Variants in NRXN3 observed in about 807,000 individuals in gnomAD.
NRXN3 encodes the protein neurexin 3, also known as neurexin III.
Under a neutral mutation model 137.6 loss-of-function variants are expected in NRXN3, and 32 were observed. That is an observed-to-expected ratio of 0.23 (90% CI 0.18 to 0.31). The LOEUF is 0.31. Ranked by LOEUF, NRXN3 falls within the 10% of genes least tolerant of loss-of-function variation. The pLI, the probability that NRXN3 is intolerant of heterozygous loss-of-function variation, is 1.00. For synonymous variants in NRXN3, 798 were observed against 784.5 expected, an observed-to-expected ratio of 1.02 and a Z score of -0.29; for missense variants, 1,574 against 2,062.5, an observed-to-expected ratio of 0.76 and a Z score of 4.59.
intron 8 of NRXN3, among the ~76,000 whole-genome samples, chr14:78,722,741 C>T (rs1046835393): frequency 1.3e-5 from 2 of 152,192 alleles, no homozygotes; most frequent in Non-Finnish European, 1.5e-5. Flanking sequence ...CTGAGTGCTA[C>T]GTGCCAGGGA....
At chr14:78,967,136 G>A in intron 12 of NRXN3, 72 bp from the exon 13 acceptor site, 1 of 1,334,566 alleles carries the variant, frequency 7.5e-7, no homozygotes, top group African/African-American at 1.5e-5. Context: ...CACTATGTCA[G>A]TTACACACAT....
At chr14:78,188,331 C>G (rs2060419762) in intron 1 of NRXN3, among the ~76,000 whole-genome samples, 1 of 152,152 alleles carries the variant, frequency 6.6e-6, no homozygotes, top group Admixed American at 6.5e-5. Context: ...CATGGGATCT[C>G]CAGGTCAAGG....
chr14:79,802,590 G>A (rs2099186148), intron 19 of NRXN3, among the ~76,000 whole-genome samples: 1 of 152,116 alleles, frequency 6.6e-6, no homozygotes, highest in Non-Finnish European at 1.5e-5. Context: ...AAGAATGCAT[G>A]CTTAAAAACT....
At chr14:78,459,715 A>G (rs2094862226) in intron 4 of NRXN3, among the ~76,000 whole-genome samples, 1 of 152,204 alleles carries the variant, frequency 6.6e-6, no homozygotes, top group African/African-American at 2.4e-5. Flanking sequence ...AAGTGTAAGC[A>G]TACAAAAAAA....
At chr14:78,461,155 A>G (rs1476295683) in intron 4 of NRXN3, among the ~76,000 whole-genome samples, 16 of 152,216 alleles carry the variant, frequency 1.1e-4, no homozygotes, top group Non-Finnish European at 8.8e-5. Context: ...TTCCTGGTAC[A>G]ACTCTTGTGA....
At chr14:78,940,913 C>T (rs1027388166) in intron 10 of NRXN3, among the ~76,000 whole-genome samples, 1 of 152,140 alleles carries the variant, frequency 6.6e-6, no homozygotes, top group African/African-American at 2.4e-5. Flanking sequence ...GTTCACAACC[C>T]TGCATAAATG....
In NRXN3 at chr14:78,451,428, G is replaced by A. The variant is rs558326270; in HGVS notation, c.757+153568G>A. On this transcript the variant is annotated intron_variant, in intron 4 of 20. Transcript: ENST00000335750. ...CTGCACAGTGTCTGACACTTGGTAT[G>A]TGTTCTGTAAATTTAGTTCCATTCT... Among the ~76,000 whole-genome samples the A allele has an allele frequency of 3.9e-5, 6 of 152,322 alleles. No individual in the cohort carries two copies. In the East Asian group the frequency reaches 1.2e-3, roughly 29 times the overall value.
At chr14:79,126,214 G>A (rs973035700) in intron 15 of NRXN3, among the ~76,000 whole-genome samples, 1 of 151,710 alleles carries the variant, frequency 6.6e-6, no homozygotes, top group Non-Finnish European at 1.5e-5. Flanking sequence ...TAGGGTACAT[G>A]TGCACAATGT....
chr14:79,362,732 G>T (rs987503453), intron 15 of NRXN3, among the ~76,000 whole-genome samples: 2 of 152,196 alleles, frequency 1.3e-5, no homozygotes, highest in Non-Finnish European at 2.9e-5. Flanking sequence ...AAGCAATGCC[G>T]AGTTCATCAG....
chr14:78,933,276 C>T (rs154332), intron 10 of NRXN3, among the ~76,000 whole-genome samples: 1,833 of 152,284 alleles, frequency 0.012, 40 homozygotes, highest in African/African-American at 0.042. Context: ...AAAATATAAA[C>T]GTTAGACTCT....
At chr14:78,746,903 A>G (rs1339412406) in intron 8 of NRXN3, among the ~76,000 whole-genome samples, 1 of 152,212 alleles carries the variant, frequency 6.6e-6, no homozygotes, top group Non-Finnish European at 1.5e-5. Flanking sequence ...ACAATTGAGA[A>G]AGAATTGTGA....
At chr14:78,508,837 G>A (rs888127800) in intron 4 of NRXN3, among the ~76,000 whole-genome samples, 1 of 152,070 alleles carries the variant, frequency 6.6e-6, no homozygotes, top group Non-Finnish European at 1.5e-5. Context: ...TACATTTTAT[G>A]TATGTATATT....
intron 19 of NRXN3, among the ~76,000 whole-genome samples, chr14:79,735,312 G>C (rs1289672373): frequency 1.3e-5 from 2 of 152,182 alleles, no homozygotes; most frequent in Non-Finnish European, 2.9e-5. Flanking sequence ...TTACAATGCA[G>C]TATGTTAGTT....
intron 3 of NRXN3, chr14:78,283,261 C>T (rs1168166793): frequency 6.6e-6 from 1 of 152,120 alleles, no homozygotes; most frequent in African/African-American, 2.4e-5. Flanking sequence ...AGATGTAAGG[C>T]AAGATAGCAT....
In NRXN3 at chr14:79,605,172, G is replaced by A. The variant is rs565455541; in HGVS notation, c.3445-58606G>A. On this transcript the variant is annotated intron_variant, in intron 16 of 20. Transcript: ENST00000335750. ...GAAGTGTCATTAATAAGCCATGTTA[G>A]CAGGAATGACCTACACATATGCATG... Among the ~76,000 whole-genome samples the A allele has an allele frequency of 1.5e-4, 23 of 152,222 alleles. No homozygotes were observed. In the South Asian group the frequency reaches 3.5e-3, roughly 23 times the overall value.
At chr14:79,804,225 A>C (rs1372099854) in intron 19 of NRXN3, among the ~76,000 whole-genome samples, 2 of 152,052 alleles carry the variant, frequency 1.3e-5, no homozygotes, top group Non-Finnish European at 2.9e-5. Flanking sequence ...GTAGGCCAAA[A>C]GTTTTGTTTT....
rs370661762 is a variant in NRXN3, at chr14:78,716,056, G to C, written c.2044+917G>C. On this transcript the variant is annotated intron_variant, in intron 8 of 20. Transcript: ENST00000335750. ...AATAGAATTGGGGAACTGTTGGGGT[G>C]GGGAGGAGGGGCATGAGAGGGGACC... Among the ~76,000 whole-genome samples, 34 of 152,230 alleles carry C rather than the reference G, an allele frequency of 2.2e-4. 1 individual carries two copies. In the East Asian group the frequency reaches 5.2e-3, roughly 23 times the overall value.
chr14:78,777,053 A>G (rs1366763002), intron 8 of NRXN3, among the ~76,000 whole-genome samples: 1 of 152,192 alleles, frequency 6.6e-6, no homozygotes. Context: ...GAGGCCATTC[A>G]TGTACATATA....
At chr14:79,553,080 A>G (rs979866349) in intron 16 of NRXN3, among the ~76,000 whole-genome samples, 35 of 152,126 alleles carry the variant, frequency 2.3e-4, no homozygotes, top group Admixed American at 2.3e-3. Context: ...TGTGCAGGAG[A>G]AAGTCAGAGA....
Sources: gnomAD v4.1 joint callset for allele counts (sites outside exome capture counted in the v4.1 genomes callset) on GRCh38, gnomAD v4.1.1 for gene constraint, MANE v1.5 for transcripts, NCBI Gene and HGNC (gene_info 2026-07-23, HGNC 2026-07-21) for gene names.